Variants in XYLB observed in about 807,000 individuals in gnomAD.
The protein encoded by XYLB is xylulokinase.
Under a neutral mutation model 78.7 loss-of-function variants are expected in XYLB, and 62 were observed. The ratio of observed to expected loss-of-function variants is 0.79; its 90% CI spans 0.64 to 0.97. The LOEUF is 0.97. Ranked by LOEUF, XYLB falls within the 50% of genes least tolerant of loss-of-function variation. The pLI, the probability that XYLB is intolerant of heterozygous loss-of-function variation, is 0.00. For missense variants in XYLB, 687 were observed against 676.8 expected (o/e 1.02, Z -0.17); for synonymous variants, 245 against 247.4 (o/e 0.99, Z 0.09).
chr3:38,379,836 T>C (rs910711915), intron 15 of XYLB, among the ~76,000 whole-genome samples: 3 of 152,214 alleles, frequency 2.0e-5, no homozygotes, highest in African/African-American at 7.2e-5. Context: ...TCTTAGTTCA[T>C]TTTCTGTTGC....
downstream of XYLB, among the ~76,000 whole-genome samples, chr3:38,421,564 G>T (rs1283130760): frequency 6.6e-6 from 1 of 152,200 alleles, no homozygotes; most frequent in Non-Finnish European, 1.5e-5. Context: ...TGAATGTAGA[G>T]GTCTGGGAAA....
At chr3:38,417,041 G>GA (rs1708818447), downstream of XYLB, among the ~76,000 whole-genome samples, 1 of 152,154 alleles carries the variant, frequency 6.6e-6, no homozygotes, top group Non-Finnish European at 1.5e-5. Context: ...CTGAAGTTAA[G>GA]GAGACAAAAA....
intron 9 of XYLB, 114 bp from the exon 10 acceptor site, chr3:38,372,541 C>T (rs1706622805): frequency 4.5e-6 from 7 of 1,561,780 alleles, no homozygotes; most frequent in African/African-American, 2.7e-5. Flanking sequence ...AAGATTCCTT[C>T]AGGTCTGGTG....
At chr3:38,402,155 C>T (rs1023482189) in intron 18 of XYLB, among the ~76,000 whole-genome samples, 1 of 152,100 alleles carries the variant, frequency 6.6e-6, no homozygotes, top group South Asian at 2.1e-4. Flanking sequence ...TGTGATACAA[C>T]TAAATGATCC....
At position 38,346,872 on chromosome 3, in the gene XYLB, G is replaced by T; in HGVS notation, c.4G>T (p.Ala2Ser). M[A>S]EHAPRRCCLG... ...GCGCAGCCTTACCCGAAAGGCCATG[G>T]CGGAGCACGCCCCTCGCCGCTGCTG... Residue 2 changes from alanine to serine, a missense_variant, in exon 1 of 19, where the codon GCG becomes TCG. By Grantham distance (99) the Ala-to-Ser change is moderately conservative. Coordinates refer to ENST00000207870, the MANE Select transcript of XYLB (RefSeq NM_005108.4). The T allele has an allele frequency of 6.6e-7, 1 of 1,520,848 alleles. No individual in the cohort carries two copies. 94.2% of individuals were successfully genotyped at this position (1,520,848 alleles called of 1,614,324 possible). A position where few individuals can be genotyped will look rare whatever the true frequency, so the allele number is the denominator to read the frequency against.
chr3:38,398,744 G>A (rs1707996200), intron 17 of XYLB, among the ~76,000 whole-genome samples: 1 of 147,776 alleles, frequency 6.8e-6, no homozygotes, highest in Non-Finnish European at 1.5e-5. Context: ...TGACATTTCG[G>A]TTGGGTGCAG....
chr3:38,392,826 A>G (rs1252760202), intron 15 of XYLB, among the ~76,000 whole-genome samples: 6 of 152,166 alleles, frequency 3.9e-5, no homozygotes, highest in Admixed American at 3.9e-4. Flanking sequence ...AATTTTGATG[A>G]AATTCATCAA....
chr3:38,429,768 C>A, the XYLB span, among the ~76,000 whole-genome samples: 1 of 152,158 alleles, frequency 6.6e-6, no homozygotes, highest in Non-Finnish European at 1.5e-5. Flanking sequence ...CAAGTGTTCC[C>A]ATTGTTCAAT....
chr3:38,395,537 G>A lies in XYLB; in HGVS notation c.1324G>A (p.Ala442Thr), dbSNP rs1707834628. 3.1e-6 allele frequency: 5 copies of A among 1,614,208 alleles called. No individual in the cohort carries two copies. The highest frequency in any genetic ancestry group is 4.2e-6 in the Non-Finnish European group (5 of 1,180,036). The stretch of plus-strand genomic sequence containing the variant: ...GACAAAGATTTTGGCCACAGGAGGA[G>A]CATCTCACAATAGAGAAATCTTACA... ...SKTKILATGG[A>T]SHNREILQVL... Residue 442 changes from alanine (A) to threonine (T), a missense_variant, in exon 16 of 19, where the codon GCA becomes ACA. By Grantham distance (58) the Ala-to-Thr change is moderately conservative. Coordinates refer to ENST00000207870, the MANE Select transcript of XYLB (RefSeq NM_005108.4).
At chr3:38,376,093 T>C in intron 12 of XYLB, 24 bp from the exon 13 acceptor site, 1 of 1,530,100 alleles carries the variant, frequency 6.5e-7, no homozygotes, top group Non-Finnish European at 9.1e-7. Context: ...GCTCCCTCCC[T>C]CAGAGCTATG....
chr3:38,390,535 A>G (rs1231157208), intron 15 of XYLB, among the ~76,000 whole-genome samples: 1 of 151,550 alleles, frequency 6.6e-6, no homozygotes, highest in East Asian at 1.9e-4. Context: ...TTTGGAGACA[A>G]AGTCTGGCTT....
chr3:38,432,275 A>G, the XYLB span, among the ~76,000 whole-genome samples: 1 of 152,230 alleles, frequency 6.6e-6, no homozygotes, highest in African/African-American at 2.4e-5. Flanking sequence ...CAAAAGAAAG[A>G]TAGTTACTTC....
At chr3:38,349,222 A>G (rs1705224976) in intron 2 of XYLB, among the ~76,000 whole-genome samples, 1 of 152,244 alleles carries the variant, frequency 6.6e-6, no homozygotes. Flanking sequence ...AGCATGGTTC[A>G]TTCCTTCATG....
chr3:38,366,110 TAA>T (rs60182601), intron 6 of XYLB, among the ~76,000 whole-genome samples: 30 of 138,666 alleles, frequency 2.2e-4, no homozygotes, highest in Non-Finnish European at 3.0e-4. Context: ...CTGGCAATGT[TAA>T]AAAAAAAAAA....
intron 17 of XYLB, among the ~76,000 whole-genome samples, chr3:38,398,474 CA>C (rs1378878962): frequency 1.3e-5 from 2 of 149,930 alleles, no homozygotes; most frequent in Admixed American, 6.6e-5. Context: ...TCTCAAAAAA[CA>C]AAAAAAAATA....
chr3:38,433,463 C>T, the XYLB span, among the ~76,000 whole-genome samples: 57 of 152,310 alleles, frequency 3.7e-4, no homozygotes, highest in Admixed American at 2.0e-3. Flanking sequence ...GTTTTTCTTT[C>T]CTATTGCATC....
intron 15 of XYLB, among the ~76,000 whole-genome samples, chr3:38,381,878 G>C (rs1201238676): frequency 6.6e-6 from 1 of 152,142 alleles, no homozygotes; most frequent in African/African-American, 2.4e-5. Context: ...ATCTCACCCT[G>C]CCTCCACTTG....
At chr3:38,386,916 C>T (rs1707405717) in intron 15 of XYLB, among the ~76,000 whole-genome samples, 1 of 152,116 alleles carries the variant, frequency 6.6e-6, no homozygotes, top group Admixed American at 6.5e-5. Context: ...TCTAGGTTGG[C>T]ACTTTTTACT....
At chr3:38,419,859 C>T (rs1292288712), downstream of XYLB, among the ~76,000 whole-genome samples, 2 of 151,760 alleles carry the variant, frequency 1.3e-5, no homozygotes, top group South Asian at 2.1e-4. Context: ...CTTGCTCTGT[C>T]GCCAGGCTGG....
Sources: gnomAD v4.1 joint callset for allele counts (sites outside exome capture counted in the v4.1 genomes callset) on GRCh38, gnomAD v4.1.1 for gene constraint, MANE v1.5 for transcripts, NCBI Gene and HGNC (gene_info 2026-07-23, HGNC 2026-07-21) for gene names.